ADAMTS17: variants seen among roughly 807,000 people sequenced by gnomAD.
ADAMTS17 encodes A disintegrin and metalloproteinase with thrombospondin motifs 17.
ADAMTS17 carries 113 observed loss-of-function variants against 141.5 expected under a neutral mutation model. That is an observed-to-expected ratio of 0.80 (90% CI 0.69 to 0.93). The LOEUF is 0.93. ADAMTS17 is among the 40% of genes least tolerant of loss of function. The pLI is 0.00. For missense variants in ADAMTS17, 1,659 were observed against 1,517.9 expected (o/e 1.09, Z -1.54); for synonymous variants, 768 against 630.6 (o/e 1.22, Z -3.27).
chr15:100,005,328 G>A (rs953757682), intron 18 of ADAMTS17, among the ~76,000 whole-genome samples: 11 of 152,306 alleles, frequency 7.2e-5, no homozygotes, highest in Non-Finnish European at 1.5e-4. Flanking sequence ...GAGGTCAGAA[G>A]TCTGGCATGA....
At chr15:99,986,366 C>A (rs1292578013) in intron 20 of ADAMTS17, among the ~76,000 whole-genome samples, 3 of 152,230 alleles carry the variant, frequency 2.0e-5, no homozygotes, top group Non-Finnish European at 2.9e-5. Flanking sequence ...GCAAAATACA[C>A]ATGAACTTGA....
At chr15:100,162,142 A>T (rs905985488) in intron 8 of ADAMTS17, among the ~76,000 whole-genome samples, 1 of 152,152 alleles carries the variant, frequency 6.6e-6, no homozygotes, top group African/African-American at 2.4e-5. Context: ...GTAAATATGG[A>T]TAACACTCAT....
At chr15:100,029,183 G>A (rs1035798351) in intron 18 of ADAMTS17, among the ~76,000 whole-genome samples, 1 of 152,200 alleles carries the variant, frequency 6.6e-6, no homozygotes, top group African/African-American at 2.4e-5. Context: ...TATGGAGTCA[G>A]AATGGAATCT....
intron 9 of ADAMTS17, among the ~76,000 whole-genome samples, chr15:100,154,425 C>T (rs574248251): frequency 7.9e-4 from 121 of 152,280 alleles, no homozygotes; most frequent in African/African-American, 2.5e-3. Flanking sequence ...ATCCTGAATT[C>T]GTCGGGTACT....
At chr15:99,999,680 G>A (rs1567660946) in intron 18 of ADAMTS17, among the ~76,000 whole-genome samples, 2 of 152,164 alleles carry the variant, frequency 1.3e-5, no homozygotes, top group South Asian at 4.1e-4. Context: ...GTTCCTTTCG[G>A]CTCTGAGAGG....
chr15:100,034,222 G>A (rs1000770186), intron 18 of ADAMTS17, among the ~76,000 whole-genome samples: 3 of 152,234 alleles, frequency 2.0e-5, no homozygotes, highest in Non-Finnish European at 4.4e-5. Context: ...TTCTCAAAGT[G>A]GTTCACAGCA....
chr15:100,281,485 G>A, intron 3 of ADAMTS17, 84 bp from the exon 4 acceptor site: 2 of 1,519,390 alleles, frequency 1.3e-6, no homozygotes, highest in South Asian at 2.4e-5. Flanking sequence ...TGTCAAGCCT[G>A]CCCGAGAGAG....
At chr15:100,158,437 T>C (rs528981713) in intron 8 of ADAMTS17, among the ~76,000 whole-genome samples, 28 of 152,370 alleles carry the variant, frequency 1.8e-4, no homozygotes, top group African/African-American at 6.7e-4. Flanking sequence ...TTTCTTTAAC[T>C]GTATTTCACA....
intron 7 of ADAMTS17, among the ~76,000 whole-genome samples, chr15:100,241,175 A>G (rs924055503): frequency 6.6e-6 from 1 of 152,132 alleles, no homozygotes; most frequent in Non-Finnish European, 1.5e-5. Context: ...GGTCCTGGCC[A>G]ATGAATCTAA....
At chr15:100,072,607 T>C (rs1203239664) in intron 15 of ADAMTS17, among the ~76,000 whole-genome samples, 1 of 152,012 alleles carries the variant, frequency 6.6e-6, no homozygotes, top group Non-Finnish European at 1.5e-5. Context: ...ATACTGCACA[T>C]CTACAGCCAT....
At chr15:100,141,723 G>A (rs1189594529) in intron 10 of ADAMTS17, among the ~76,000 whole-genome samples, 1 of 152,230 alleles carries the variant, frequency 6.6e-6, no homozygotes, top group African/African-American at 2.4e-5. Context: ...GGACAAGAAA[G>A]ACAACTCACA....
chr15:100,296,180 G>A (rs1333188597), intron 3 of ADAMTS17, among the ~76,000 whole-genome samples: 4 of 152,074 alleles, frequency 2.6e-5, no homozygotes, highest in South Asian at 2.1e-4. Context: ...TTCAGGTGTC[G>A]TACCGAGTTT....
chr15:100,113,123 G>A (rs1304358791), intron 13 of ADAMTS17, among the ~76,000 whole-genome samples: 1 of 152,192 alleles, frequency 6.6e-6, no homozygotes, highest in East Asian at 1.9e-4. Context: ...CCGGCGGACA[G>A]GCCTCTGCGG....
chr15:100,266,045 TGAG>T (rs1222092702), intron 4 of ADAMTS17, among the ~76,000 whole-genome samples: 10 of 152,232 alleles, frequency 6.6e-5, no homozygotes, highest in African/African-American at 2.4e-4. Flanking sequence ...ACATGGTAAC[TGAG>T]TAAAATTCAT....
At chr15:100,334,048 G>A (rs1051491266) in intron 2 of ADAMTS17, among the ~76,000 whole-genome samples, 1 of 152,176 alleles carries the variant, frequency 6.6e-6, no homozygotes, top group South Asian at 2.1e-4. Context: ...TGATATTTCA[G>A]CAGTTGTGAG....
chr15:99,974,605 T>C, intron 21 of ADAMTS17, 43 bp from the exon 22 acceptor site: 1 of 1,613,210 alleles, frequency 6.2e-7, no homozygotes, highest in Non-Finnish European at 8.5e-7. Context: ...AGGGATGGCC[T>C]AGGCATGTCC....
At position 100,229,650 on chromosome 15, in the gene ADAMTS17, G is replaced by C. The variant is rs138985883; in HGVS notation, c.1075+24486C>G. ...CCTCAAAGAATCATATGATGTCCCA[G>C]AGGCAACCACTCAAAGGTCACATGA... On this transcript the variant is annotated intron_variant, in intron 7 of 21. Transcript: ENST00000268070. Among the ~76,000 whole-genome samples the C allele has an allele frequency of 6.7e-3, 1,013 of 152,268 alleles. 6 individuals carry two copies. The highest frequency in any genetic ancestry group is 0.041 in the South Asian group (198 of 4,812).
rs958420085 is a variant in ADAMTS17, at chr15:100,065,383, T to A, written c.2138-11329A>T. The stretch of plus-strand genomic sequence containing the variant: ...AAGGATCAAGCAAAAAGTATATTGA[T>A]CTATAGGCTATATGAGGTGTTCTGT... On this transcript the variant is annotated intron_variant, in intron 15 of 21. Coordinates refer to ENST00000268070, the MANE Select transcript of ADAMTS17 (RefSeq NM_139057.4). 2.0e-5 allele frequency among the ~76,000 whole-genome samples: 3 copies of A among 152,234 alleles called. No homozygotes were observed. In the East Asian group the frequency reaches 5.8e-4, roughly 29 times the overall value.
intron 14 of ADAMTS17, among the ~76,000 whole-genome samples, chr15:100,102,280 C>T (rs984727624): frequency 6.7e-6 from 1 of 149,330 alleles, no homozygotes; most frequent in African/African-American, 2.5e-5. Context: ...GGAAGCCCGA[C>T]CGAAGGAGAT....
Sources: gnomAD v4.1 joint callset for allele counts (sites outside exome capture counted in the v4.1 genomes callset) on GRCh38, gnomAD v4.1.1 for gene constraint, MANE v1.5 for transcripts, NCBI Gene and HGNC (gene_info 2026-07-23, HGNC 2026-07-21) for gene names.